The following NNT variants were observed in gnomAD, a reference collection of about 807,000 sequenced individuals.
NNT encodes nicotinamide nucleotide transhydrogenase.
Under a neutral mutation model 104.8 loss-of-function variants are expected in NNT, and 50 were observed. That is an observed-to-expected ratio of 0.48 (90% confidence interval 0.38 to 0.60). The LOEUF (loss-of-function observed/expected upper bound fraction) is 0.60. Ranked by LOEUF, NNT falls within the 20% of genes least tolerant of loss-of-function variation. NNT has a pLI of 0.00. For synonymous variants in NNT, 461 were observed against 490.4 expected (o/e 0.94, Z 0.79); for missense variants, 1,131 against 1,330.7 (o/e 0.85, Z 2.33).
chr5:43,642,419 G>T (rs1297142282), intron 7 of NNT, among the ~76,000 whole-genome samples: 1 of 152,140 alleles, frequency 6.6e-6, no homozygotes, highest in East Asian at 1.9e-4. Context: ...AGTATTCAAG[G>T]TGCCTTTGTT....
Position 43,666,735 on chromosome 5 carries a change from G to A in NNT, c.2634+7385G>A, listed in dbSNP as rs866968593. 280 of 1,196,402 alleles carry A rather than the reference G, an allele frequency of 2.3e-4. 1 individual carries two copies. Among genetic ancestry groups the A allele is most frequent in the Middle Eastern group, 1.7e-3 (6 of 3,430 alleles). The allele number at this position is 1,196,402 out of a possible 1,614,324, so 74.1% of individuals were successfully genotyped here. ...GGGACGGGGGTGGGGGGTCGCACCA[G>A]TCCTTCTGTCCTCACGTTGGCAGAG... is the stretch of plus-strand genomic sequence containing the variant. On this transcript the variant is annotated intron_variant, in intron 17 of 21. Transcript: ENST00000344920.
intron 6 of NNT, among the ~76,000 whole-genome samples, chr5:43,627,403 G>C (rs1750428620): frequency 6.6e-6 from 1 of 152,114 alleles, no homozygotes; most frequent in African/African-American, 2.4e-5. Flanking sequence ...TGGCCTGCTT[G>C]CTGGAGATTA....
chr5:43,662,185 C>T (rs916646392), intron 17 of NNT, among the ~76,000 whole-genome samples: 1 of 152,086 alleles, frequency 6.6e-6, no homozygotes, highest in African/African-American at 2.4e-5. Context: ...CCCCACATTT[C>T]TGTCTGTGTC....
At chr5:43,635,154 T>C (rs1675155862) in intron 7 of NNT, among the ~76,000 whole-genome samples, 2 of 152,216 alleles carry the variant, frequency 1.3e-5, no homozygotes. Context: ...TAGCCCTAAA[T>C]CTATGAGTTT....
At chr5:43,619,378 A>G (rs1749951287) in intron 5 of NNT, among the ~76,000 whole-genome samples, 1 of 152,072 alleles carries the variant, frequency 6.6e-6, no homozygotes, top group Non-Finnish European at 1.5e-5. Context: ...ATTTTGGATA[A>G]CTTGTTCTCT....
intron 19 of NNT, among the ~76,000 whole-genome samples, chr5:43,698,666 A>G (rs923241416): frequency 1.3e-5 from 2 of 152,104 alleles, no homozygotes; most frequent in Admixed American, 1.3e-4. Context: ...TCTTGTTTAT[A>G]TCAATTAGCC....
intron 19 of NNT, among the ~76,000 whole-genome samples, chr5:43,692,578 C>T (rs963560677): frequency 1.1e-4 from 17 of 152,176 alleles, no homozygotes; most frequent in Admixed American, 5.2e-4. Flanking sequence ...TCCGCCTTGG[C>T]CTCCCAAAGT....
At chr5:43,644,995 A>G (rs1223704958) in intron 9 of NNT, among the ~76,000 whole-genome samples, 193 bp downstream of exon 9, 1 of 152,236 alleles carries the variant, frequency 6.6e-6, no homozygotes, top group Non-Finnish European at 1.5e-5. Context: ...TTAAAAGTAC[A>G]TGACTTAACC....
intron 7 of NNT, 90 bp from the exon 8 acceptor site, chr5:43,644,102 C>T (rs1751378998): frequency 1.6e-6 from 2 of 1,238,994 alleles, no homozygotes; most frequent in African/African-American, 3.0e-5. Flanking sequence ...ATGTTAAATT[C>T]CTGAATGCCC....
chr5:43,667,921 C>A (rs1350532384), intron 17 of NNT, among the ~76,000 whole-genome samples: 1 of 152,238 alleles, frequency 6.6e-6, no homozygotes, highest in Non-Finnish European at 1.5e-5. Context: ...CACATCCTCA[C>A]CAGCACCTGT....
intron 17 of NNT, among the ~76,000 whole-genome samples, chr5:43,673,559 T>G (rs1469630852): frequency 6.6e-6 from 1 of 152,234 alleles, no homozygotes; most frequent in Non-Finnish European, 1.5e-5. Flanking sequence ...ATTTCAGAAC[T>G]GTATAATTCA....
intron 12 of NNT, among the ~76,000 whole-genome samples, chr5:43,651,407 C>A (rs185686498): frequency 1.2e-3 from 178 of 151,918 alleles, no homozygotes; most frequent in African/African-American, 4.0e-3. Flanking sequence ...TGAAACCCCC[C>A]TCTCTACTAA....
chr5:43,646,008 C>G (rs1015771199), intron 10 of NNT, among the ~76,000 whole-genome samples: 2 of 151,826 alleles, frequency 1.3e-5, no homozygotes, highest in African/African-American at 4.8e-5. Context: ...CCACTGCACC[C>G]GGCCTGCAAG....
chr5:43,666,793 G>A (rs1740723243), intron 17 of NNT: 4 of 1,305,050 alleles, frequency 3.1e-6, no homozygotes, highest in Non-Finnish European at 4.3e-6. Flanking sequence ...AGGGGCCTCG[G>A]TACCTTTGGG....
intron 19 of NNT, among the ~76,000 whole-genome samples, chr5:43,698,834 A>T (rs1742697789): frequency 6.6e-6 from 1 of 151,126 alleles, no homozygotes; most frequent in South Asian, 2.1e-4. Flanking sequence ...ACATATATAC[A>T]CATACTTGCA....
intron 16 of NNT, among the ~76,000 whole-genome samples, chr5:43,658,844 T>C (rs900962433): frequency 2.0e-5 from 3 of 152,216 alleles, no homozygotes; most frequent in African/African-American, 7.2e-5. Context: ...GCCCTCAGTC[T>C]AAAGCCATAA....
At position 43,606,009 on chromosome 5, in the gene NNT, T is replaced by A. The variant is rs568062154; in HGVS notation, c.-54+2715T>A. Among the ~76,000 whole-genome samples, 12 of 152,358 alleles carry A rather than the reference T, an allele frequency of 7.9e-5. No individual in the cohort carries two copies. In the East Asian group the frequency reaches 2.3e-3, roughly 29 times the overall value. ...TTCAGTTTTATAGCATTACAAAGTCTCATCTAATCATAAAATTTCTAGAGA... is the reference window on the plus strand; with the variant it reads ...TTCAGTTTTATAGCATTACAAAGTCACATCTAATCATAAAATTTCTAGAGA... On this transcript the variant is annotated intron_variant, in intron 1 of 21. Coordinates refer to ENST00000344920, the MANE Select transcript of NNT (RefSeq NM_182977.3).
chr5:43,657,442 C>G (rs2111949959), intron 16 of NNT, among the ~76,000 whole-genome samples: 1 of 152,252 alleles, frequency 6.6e-6, no homozygotes, highest in South Asian at 2.1e-4. Flanking sequence ...TTATGCAGCG[C>G]TATTTACTGT....
At position 43,650,577 on chromosome 5, in the gene NNT, C is replaced by T. The variant is rs1397009680; in HGVS notation, c.1707C>T (p.Val569=). 6.2e-7 allele frequency: 1 copy of T among 1,612,508 alleles called. No homozygotes were observed. Among genetic ancestry groups the T allele is most frequent in the African/African-American group, 1.3e-5 (1 of 74,996 alleles). ...CTCTTGCTGCATTCATATCCTCTGT[C>T]AACATTGCAGGTATGATGTCAGTGA... The part of the protein sequence containing the change: ...LAALAAFISS[V]NIAGGFLVTQ... The change falls in exon 12 of 22, where the codon GTC becomes GTT. Residue 569 remains valine (V), a synonymous_variant. Transcript: ENST00000344920.
Sources: allele counts gnomAD v4.1 joint callset (sites outside exome capture counted in the v4.1 genomes callset), GRCh38; gene constraint gnomAD v4.1.1; transcripts MANE v1.5; gene names NCBI Gene and HGNC (gene_info 2026-07-23, HGNC 2026-07-21).